FAM53A: variants seen among roughly 807,000 people sequenced by gnomAD.
FAM53A encodes protein FAM53A.
In FAM53A, 28 loss-of-function variants were observed where a neutral mutation model predicts 26.6. The observed-to-expected ratio is 1.05, with a 90% CI of 0.78 to 1.45. The LOEUF (loss-of-function observed/expected upper bound fraction) is 1.45. Among genes scored for constraint, FAM53A ranks in the 40% most tolerant of loss-of-function variants. The probability of loss-of-function intolerance (pLI) is 0.00; values close to 1 mark genes in which losing one functional copy is unlikely to be tolerated. For missense variants in FAM53A, 650 were observed against 575.8 expected (o/e 1.13, Z -1.32); for synonymous variants, 290 against 253.1 (o/e 1.15, Z -1.38).
intron 1 of FAM53A, among the ~76,000 whole-genome samples, chr4:1,625,456 G>A (rs1375093445): frequency 3.8e-5 from 3 of 78,706 alleles, no homozygotes; most frequent in East Asian, 2.8e-4. Context: ...AAGGCCCCAC[G>A]TCCCGGCCCA....
chr4:1,609,830 G>GCT, the FAM53A span, among the ~76,000 whole-genome samples: 7 of 151,992 alleles, frequency 4.6e-5, no homozygotes, highest in South Asian at 2.1e-4. Flanking sequence ...AGGCATGGTG[G>GCT]CAGGCGCCTG....
the FAM53A span, among the ~76,000 whole-genome samples, chr4:1,594,887 T>A: frequency 6.6e-6 from 1 of 152,214 alleles, no homozygotes; most frequent in African/African-American, 2.4e-5. Context: ...AAAGTTCACA[T>A]TGCCTTCATA....
the FAM53A span, among the ~76,000 whole-genome samples, chr4:1,600,255 A>T: frequency 6.6e-6 from 1 of 152,142 alleles, no homozygotes; most frequent in Non-Finnish European, 1.5e-5. Flanking sequence ...GCTCCTCTGC[A>T]GAGGAGGGCT....
intron 4 of FAM53A, among the ~76,000 whole-genome samples, chr4:1,649,206 AGGGAAG>A (rs1560151367): frequency 8.0e-6 from 1 of 124,410 alleles, no homozygotes; most frequent in Admixed American, 7.9e-5. Flanking sequence ...GGAAAGGGAA[AGGGAAG>A]GGGAAGGGGA....
chr4:1,680,319 CAAAAAAAA>C (rs143458191), intron 1 of FAM53A, among the ~76,000 whole-genome samples: 10 of 82,662 alleles, frequency 1.2e-4, no homozygotes, highest in African/African-American at 4.8e-4. Flanking sequence ...AACTCCGTCT[CAAAAAAAA>C]AAAAAAAAAA....
chr4:1,588,344 G>A, the FAM53A span, among the ~76,000 whole-genome samples: 1 of 152,238 alleles, frequency 6.6e-6, no homozygotes, highest in African/African-American at 2.4e-5. Flanking sequence ...CCCTTCAAGA[G>A]GTGGAGCTTA....
At chr4:1,652,709 A>G (rs1422818066) in intron 4 of FAM53A, among the ~76,000 whole-genome samples, 1 of 147,256 alleles carries the variant, frequency 6.8e-6, no homozygotes, top group African/African-American at 2.5e-5. Flanking sequence ...CACACAGAAC[A>G]CACACCACAC....
At chr4:1,604,472 T>TG in the FAM53A span, among the ~76,000 whole-genome samples, 1 of 151,956 alleles carries the variant, frequency 6.6e-6, no homozygotes, top group Non-Finnish European at 1.5e-5. Flanking sequence ...GTGCAGGGCG[T>TG]GGGGGACACC....
intron 4 of FAM53A, among the ~76,000 whole-genome samples, chr4:1,652,389 G>A (rs1211981581): frequency 1.7e-5 from 2 of 118,414 alleles, no homozygotes; most frequent in Admixed American, 8.8e-5. Flanking sequence ...CACATCACAT[G>A]CACACCACAC....
chr4:1,644,390 C>T (rs912500473), intron 4 of FAM53A: 7 of 1,527,732 alleles, frequency 4.6e-6, no homozygotes, highest in East Asian at 2.5e-5. Context: ...ACGACACAGT[C>T]GGTGCAGGAG....
rs775526750 is a variant in FAM53A, at chr4:1,655,170, C to A, written c.690G>T (p.Ala230=). ...RRPSLSQERL[A]GAGTPLPWAS... ...CCCAGGGCAGGGGAGTGCCCGCACC[C>A]GCGAGTCGCTCCTGTGAGAGGGACG... Residue 230 remains alanine, a synonymous_variant, in exon 4 of 5, where the codon GCG becomes GCT. Transcript: ENST00000308132. 1 of 1,572,380 alleles carries A rather than the reference C, an allele frequency of 6.4e-7. No homozygotes were observed. Among genetic ancestry groups the A allele is most frequent in the East Asian group, 2.3e-5 (1 of 43,326 alleles).
chr4:1,641,762 C>T (rs1392923364), intron 4 of FAM53A, among the ~76,000 whole-genome samples, 155 bp from the exon 5 acceptor site: 1 of 152,158 alleles, frequency 6.6e-6, no homozygotes, highest in Admixed American at 6.5e-5. Flanking sequence ...CCAGCCACAG[C>T]TCTCAGAGCC....
the FAM53A span, among the ~76,000 whole-genome samples, chr4:1,604,678 C>T: frequency 6.6e-6 from 1 of 152,164 alleles, no homozygotes. Context: ...CTCCGACGGA[C>T]ACGGCCATCC....
At chr4:1,615,368 GCA>G (rs1390306480), downstream of FAM53A, among the ~76,000 whole-genome samples, 25 of 145,424 alleles carry the variant, frequency 1.7e-4, no homozygotes, top group South Asian at 4.5e-4. Context: ...CCCCACCTGG[GCA>G]CACACACGGA....
chr4:1,586,369 A>G, the FAM53A span, among the ~76,000 whole-genome samples: 35 of 151,442 alleles, frequency 2.3e-4, 1 homozygote, highest in Non-Finnish European at 5.2e-4. Context: ...AATTTTTTGT[A>G]TTTTTAGTAG....
rs78360687 is a variant in FAM53A, at chr4:1,661,113, G to A, written c.76-3645C>T. ...ACATTCTCAGCTCTCCCTGCTCTCCGCCCCTCAGCCCGGGAACTGCTGCTC... is the reference window on the plus strand; with the variant it reads ...ACATTCTCAGCTCTCCCTGCTCTCCACCCCTCAGCCCGGGAACTGCTGCTC... On this transcript the variant is annotated intron_variant, in intron 2 of 4. Coordinates refer to ENST00000308132, the MANE Select transcript of FAM53A (RefSeq NM_001174070.3). Among the ~76,000 whole-genome samples the A allele has an allele frequency of 6.5e-3, 981 of 151,678 alleles. 11 individuals carry two copies. The highest frequency in any genetic ancestry group is 0.022 in the African/African-American group (920 of 41,314).
At chr4:1,651,846 G>A (rs1577117661) in intron 4 of FAM53A, among the ~76,000 whole-genome samples, 1 of 147,984 alleles carries the variant, frequency 6.8e-6, no homozygotes, top group East Asian at 1.9e-4. Context: ...GGATCTGAGG[G>A]ATGGATGCCC....
intron 2 of FAM53A, among the ~76,000 whole-genome samples, chr4:1,660,451 T>C (rs1713744042): frequency 6.7e-6 from 1 of 150,186 alleles, no homozygotes; most frequent in African/African-American, 2.5e-5. Flanking sequence ...AAAGCAGATA[T>C]GATGGCATGA....
chr4:1,643,437 G>T (rs1055533116), intron 4 of FAM53A, among the ~76,000 whole-genome samples: 1 of 152,016 alleles, frequency 6.6e-6, no homozygotes, highest in Non-Finnish European at 1.5e-5. Flanking sequence ...CTGCACTCCA[G>T]CCTGGGAGAC....
Sources: allele counts gnomAD v4.1 joint callset (sites outside exome capture counted in the v4.1 genomes callset), GRCh38; gene constraint gnomAD v4.1.1; transcripts MANE v1.5; gene names NCBI Gene and HGNC (gene_info 2026-07-23, HGNC 2026-07-21).